Variants in KATNBL1 observed in about 807,000 individuals in gnomAD.
KATNBL1 encodes the protein katanin regulatory subunit B1 like 1, also known as KATNB1-like protein 1.
Under a neutral mutation model 44.7 loss-of-function variants are expected in KATNBL1, and 28 were observed. That is an observed-to-expected ratio of 0.63 (90% CI 0.46 to 0.86). The LOEUF is 0.86. Among genes scored for constraint, KATNBL1 ranks in the 40% least tolerant of loss-of-function variants. KATNBL1 has a pLI of 0.00. For synonymous variants in KATNBL1, 78 were observed against 114.9 expected, an observed-to-expected ratio of 0.68 and a Z score of 2.06; for missense variants, 272 against 350.7, an observed-to-expected ratio of 0.78 and a Z score of 1.79.
chr15:34,180,672 A>C (rs28538047), intron 1 of KATNBL1, among the ~76,000 whole-genome samples: 50,336 of 152,058 alleles, frequency 0.33, 8,848 homozygotes, highest in African/African-American at 0.47. Flanking sequence ...CCTAGCTATC[A>C]CATTTGAAAT....
At chr15:34,178,079 G>T (rs1446589440) in intron 1 of KATNBL1, 1 of 152,154 alleles carries the variant, frequency 6.6e-6, no homozygotes, top group East Asian at 1.9e-4. Context: ...ACCCAGAGAT[G>T]TCAAGTAACT....
chr15:34,151,812 G>C (rs1327204126), intron 4 of KATNBL1, among the ~76,000 whole-genome samples: 2 of 152,102 alleles, frequency 1.3e-5, no homozygotes, highest in Non-Finnish European at 2.9e-5. Flanking sequence ...AAACGCTTTT[G>C]AGTCTGTTAA....
chr15:34,147,198 A>G lies in KATNBL1; in HGVS notation c.698+2T>C. On this transcript the variant is annotated splice_donor_variant, in intron 7 of 9. Transcript: ENST00000256544. LOFTEE classifies it high-confidence loss of function. ...TGAATCAAGATTCAGATTAGCACTT[A>G]CTCTTCAAATTTGCTTTTAAGTAGT... 2.6e-6 allele frequency: 4 copies of G among 1,556,586 alleles called. No individual in the cohort carries two copies. Among genetic ancestry groups the G allele is most frequent in the Non-Finnish European group, 3.5e-6 (4 of 1,129,508 alleles).
intron 1 of KATNBL1, among the ~76,000 whole-genome samples, chr15:34,193,227 A>AC (rs35636756): frequency 0.035 from 4,718 of 136,682 alleles, 130 homozygotes; most frequent in Non-Finnish European, 0.049. Flanking sequence ...AAAAAAAAAA[A>AC]AAAAAAAACA....
intron 1 of KATNBL1, among the ~76,000 whole-genome samples, chr15:34,193,320 G>C (rs549309139): frequency 1.5e-4 from 22 of 151,714 alleles, no homozygotes; most frequent in African/African-American, 4.8e-4. Context: ...TATCACTTGA[G>C]GCCAGGAGTT....
intron 2 of KATNBL1, among the ~76,000 whole-genome samples, chr15:34,160,142 T>G (rs991529588): frequency 7.2e-5 from 11 of 152,220 alleles, no homozygotes; most frequent in African/African-American, 2.7e-4. Flanking sequence ...TAAAGTGACC[T>G]AATTTTCCAC....
At chr15:34,150,109 G>GT (rs1375783198) in intron 4 of KATNBL1, among the ~76,000 whole-genome samples, 1 of 152,142 alleles carries the variant, frequency 6.6e-6, no homozygotes, top group Non-Finnish European at 1.5e-5. Flanking sequence ...TCAGATTTAG[G>GT]TTTTTAGAGC....
chr15:34,155,463 A>G (rs1161790006), intron 2 of KATNBL1, among the ~76,000 whole-genome samples: 1 of 152,196 alleles, frequency 6.6e-6, no homozygotes, highest in Admixed American at 6.5e-5. Context: ...CAAGAGAAGT[A>G]AGGATGGTGG....
intron 1 of KATNBL1, among the ~76,000 whole-genome samples, chr15:34,203,531 T>A (rs1350639371): frequency 6.6e-6 from 1 of 152,064 alleles, no homozygotes; most frequent in Non-Finnish European, 1.5e-5. Context: ...TTACAATCAT[T>A]CTCTATAGCA....
At chr15:34,205,173 T>A (rs529586817) in intron 1 of KATNBL1, among the ~76,000 whole-genome samples, 2 of 152,242 alleles carry the variant, frequency 1.3e-5, no homozygotes, top group African/African-American at 4.8e-5. Context: ...TTTTGTATTT[T>A]AGTAAAGACG....
intron 1 of KATNBL1, among the ~76,000 whole-genome samples, chr15:34,197,259 G>C (rs1399573088): frequency 6.6e-6 from 1 of 152,220 alleles, no homozygotes; most frequent in Non-Finnish European, 1.5e-5. Flanking sequence ...AAACTGAAAA[G>C]ACTAGGCAGT....
At chr15:34,209,044 A>G (rs1237626730) in intron 1 of KATNBL1, 1 of 152,250 alleles carries the variant, frequency 6.6e-6, no homozygotes, top group African/African-American at 2.4e-5. Context: ...CATAGAAAGC[A>G]CAAAATAAAT....
chr15:34,166,295 G>A lies in KATNBL1; in HGVS notation c.-14-2605C>T, dbSNP rs536840330. Among the ~76,000 whole-genome samples, 20 of 152,360 alleles carry A rather than the reference G, an allele frequency of 1.3e-4. No individual in the cohort carries two copies. The East Asian group carries it at 3.9e-3, about 29-fold the overall frequency. ...GACCAGGAGATTCTATCCTATGCCTGGCTCGGCAGGTCCCACGCCCACGGA... is the reference window on the plus strand; with the variant it reads ...GACCAGGAGATTCTATCCTATGCCTAGCTCGGCAGGTCCCACGCCCACGGA... On this transcript the variant is annotated intron_variant, in intron 1 of 9. Transcript: ENST00000256544.
rs573495641 is a variant in KATNBL1 at position 34,201,596 on chromosome 15, C to T, written c.-15+8355G>A. 3.3e-5 allele frequency among the ~76,000 whole-genome samples: 5 copies of T among 152,278 alleles called. No homozygotes were observed. The East Asian group carries it at 5.8e-4, about 18-fold the overall frequency. On this transcript the variant is annotated intron_variant, in intron 1 of 9. Transcript: ENST00000256544. ...CTTTGGGAAGACTTAGGACTTCTTA[C>T]GCCTAGAAGTAGATGGTTATGATTA...
chr15:34,195,561 G>C (rs1328245809), intron 1 of KATNBL1, among the ~76,000 whole-genome samples: 1 of 151,930 alleles, frequency 6.6e-6, no homozygotes, highest in East Asian at 1.9e-4. Context: ...AATTGCACTT[G>C]TATCCTATAA....
intron 1 of KATNBL1, among the ~76,000 whole-genome samples, chr15:34,167,833 A>T (rs1889029136): frequency 6.6e-6 from 1 of 152,228 alleles, no homozygotes; most frequent in Non-Finnish European, 1.5e-5. Flanking sequence ...ATATCCAGCC[A>T]AACTAAGCTT....
At chr15:34,201,438 G>A (rs1286033331) in intron 1 of KATNBL1, among the ~76,000 whole-genome samples, 4 of 152,148 alleles carry the variant, frequency 2.6e-5, no homozygotes, top group African/African-American at 9.7e-5. Context: ...GTGTGGCTAG[G>A]GGGTGAAGGG....
chr15:34,178,695 G>A (rs2140961065), intron 1 of KATNBL1, among the ~76,000 whole-genome samples: 1 of 146,180 alleles, frequency 6.8e-6, no homozygotes, highest in Admixed American at 7.1e-5. Flanking sequence ...GGCGGAGCTT[G>A]CAGTGAGCTG....
chr15:34,182,370 TATAAAC>T (rs1337865570), intron 1 of KATNBL1, among the ~76,000 whole-genome samples: 3 of 152,140 alleles, frequency 2.0e-5, no homozygotes, highest in Non-Finnish European at 4.4e-5. Flanking sequence ...TTATAAGAAA[TATAAAC>T]ATATACAATT....
Sources: allele counts gnomAD v4.1 joint callset (sites outside exome capture counted in the v4.1 genomes callset), GRCh38; gene constraint gnomAD v4.1.1; transcripts MANE v1.5; gene names NCBI Gene and HGNC (gene_info 2026-07-23, HGNC 2026-07-21).